The following PIGK variants were observed in gnomAD, a reference collection of about 807,000 sequenced individuals.
The protein encoded by PIGK is phosphatidylinositol glycan anchor biosynthesis class K, also known as GPI-anchor transamidase.
PIGK carries 42 observed loss-of-function variants against 50.6 expected under a neutral mutation model. The observed-to-expected ratio is 0.83, with a 90% CI of 0.65 to 1.07. The LOEUF (loss-of-function observed/expected upper bound fraction) is 1.07, where lower values mean the gene tolerates loss of function less well. PIGK is among the 50% of genes least tolerant of loss of function. PIGK has a pLI of 0.00. For missense variants in PIGK, 448 were observed against 488.7 expected (o/e 0.92, Z 0.78); for synonymous variants, 151 against 156.0 (o/e 0.97, Z 0.24).
At chr1:77,209,513 G>C (rs1320770316) in intron 2 of PIGK, among the ~76,000 whole-genome samples, 3 of 152,060 alleles carry the variant, frequency 2.0e-5, no homozygotes, top group Admixed American at 2.0e-4. Flanking sequence ...TAGCTGACTT[G>C]AATTTAGAAA....
chr1:77,118,247 T>A (rs912848765), intron 10 of PIGK, among the ~76,000 whole-genome samples: 3 of 152,170 alleles, frequency 2.0e-5, no homozygotes, highest in African/African-American at 7.2e-5. Context: ...CTTTTCTTTC[T>A]TTCTTTTTGA....
chr1:77,095,731 G>GC (rs1282403790), intron 10 of PIGK, among the ~76,000 whole-genome samples: 2 of 151,776 alleles, frequency 1.3e-5, no homozygotes, highest in African/African-American at 2.4e-5. Flanking sequence ...TTTTTTAAGT[G>GC]CCCCAAAAAA....
At chr1:77,177,140 C>T (rs930001594) in intron 3 of PIGK, among the ~76,000 whole-genome samples, 2 of 152,150 alleles carry the variant, frequency 1.3e-5, no homozygotes, top group Non-Finnish European at 1.5e-5. Flanking sequence ...AGTGGGCTGA[C>T]GTTATAATGT....
chr1:77,130,613 A>T (rs1330140350), intron 9 of PIGK, among the ~76,000 whole-genome samples: 1 of 152,172 alleles, frequency 6.6e-6, no homozygotes, highest in Non-Finnish European at 1.5e-5. Context: ...CACAACTTTA[A>T]AATAGAAAAT....
chr1:77,181,095 A>G (rs905386905), intron 3 of PIGK, among the ~76,000 whole-genome samples: 1 of 152,158 alleles, frequency 6.6e-6, no homozygotes, highest in Non-Finnish European at 1.5e-5. Context: ...TAAAAGTGAA[A>G]TTTTAAAAAT....
intron 2 of PIGK, among the ~76,000 whole-genome samples, chr1:77,210,125 C>A (rs1022656476): frequency 1.3e-5 from 2 of 151,924 alleles, no homozygotes; most frequent in African/African-American, 4.8e-5. Context: ...CTATAAATAA[C>A]AGATGCAATT....
chr1:77,164,070 T>A lies in PIGK; in HGVS notation c.488-128A>T, dbSNP rs1456598856. Reference sequence around the variant, plus strand: ...ATTTTATACTCTAAAATGTATACTATGAAAACAAACAAATTGAATTTTCTA... The same window carrying A: ...ATTTTATACTCTAAAATGTATACTAAGAAAACAAACAAATTGAATTTTCTA... On this transcript the variant is annotated intron_variant, in intron 5 of 10. Transcript: ENST00000370812. 5.6e-6 allele frequency: 3 copies of A among 535,188 alleles called. No homozygotes were observed. The East Asian group carries it at 9.5e-5, about 17-fold the overall frequency. 33.2% of individuals were successfully genotyped at this position (535,188 alleles called of 1,614,324 possible).
chr1:77,164,148 T>C (rs1437831438), intron 5 of PIGK, among the ~76,000 whole-genome samples: 1 of 152,170 alleles, frequency 6.6e-6, no homozygotes, highest in Non-Finnish European at 1.5e-5. Context: ...AGATATAATA[T>C]CTTTAATAGG....
intron 3 of PIGK, among the ~76,000 whole-genome samples, chr1:77,187,055 C>T (rs1430590504): frequency 6.6e-6 from 1 of 152,204 alleles, no homozygotes; most frequent in Non-Finnish European, 1.5e-5. Flanking sequence ...TGGTATTTCA[C>T]ACATCATCAC....
chr1:77,150,153 CAACTT>C (rs969041827), intron 9 of PIGK, among the ~76,000 whole-genome samples: 38 of 152,034 alleles, frequency 2.5e-4, no homozygotes, highest in Admixed American at 3.9e-4. Context: ...TTCAAATAAA[CAACTT>C]AACTATGCAA....
intron 8 of PIGK, among the ~76,000 whole-genome samples, chr1:77,155,722 T>C (rs564562143): frequency 6.6e-6 from 1 of 151,878 alleles, no homozygotes; most frequent in Non-Finnish European, 1.5e-5. Context: ...ATGAGAGATA[T>C]GAGGAAAAAT....
intron 9 of PIGK, among the ~76,000 whole-genome samples, chr1:77,125,158 T>C (rs1654202148): frequency 6.6e-6 from 1 of 152,250 alleles, no homozygotes; most frequent in African/African-American, 2.4e-5. Flanking sequence ...AGATATTCTT[T>C]AGGTATACAA....
At chr1:77,097,792 T>C (rs1263950200) in intron 10 of PIGK, among the ~76,000 whole-genome samples, 3 of 152,088 alleles carry the variant, frequency 2.0e-5, no homozygotes, top group Non-Finnish European at 1.5e-5. Flanking sequence ...TCGGATTTCA[T>C]ATAAATATTT....
chr1:77,095,890 C>T (rs185486526), intron 10 of PIGK, among the ~76,000 whole-genome samples: 87 of 152,076 alleles, frequency 5.7e-4, no homozygotes, highest in African/African-American at 2.0e-3. Context: ...TGAAAACCAT[C>T]CACACACTCT....
intron 9 of PIGK, among the ~76,000 whole-genome samples, chr1:77,146,977 G>A (rs536576932): frequency 2.8e-4 from 42 of 152,084 alleles, no homozygotes; most frequent in African/African-American, 9.9e-4. Context: ...AAAGAAGGGA[G>A]AGACAGGAAG....
At chr1:77,200,282 G>A (rs908489867) in intron 3 of PIGK, among the ~76,000 whole-genome samples, 3 of 151,964 alleles carry the variant, frequency 2.0e-5, no homozygotes, top group Non-Finnish European at 4.4e-5. Context: ...CATGAATACT[G>A]AAGAAGCATG....
intron 2 of PIGK, among the ~76,000 whole-genome samples, chr1:77,208,033 G>A (rs2100586969): frequency 6.6e-6 from 1 of 152,046 alleles, no homozygotes; most frequent in South Asian, 2.1e-4. Context: ...AACGGCCTAG[G>A]CAACACAATG....
In PIGK at chr1:77,212,014, C is replaced by G. The variant is rs145978074; in HGVS notation, c.94-1525G>C. 1.8e-3 allele frequency among the ~76,000 whole-genome samples: 280 copies of G among 152,106 alleles called. 1 individual carries two copies. The highest frequency in any genetic ancestry group is 6.3e-3 in the African/African-American group (263 of 41,514). On this transcript the variant is annotated intron_variant, in intron 1 of 10. Transcript: ENST00000370812. ...AAATTTCATTCAGTATCCATTCTTA[C>G]TAGGTACTTTATTTGAACTCACCAA...
chr1:77,150,727 G>A (rs1098131), intron 9 of PIGK, among the ~76,000 whole-genome samples: 3,089 of 152,054 alleles, frequency 0.02, 39 homozygotes, highest in African/African-American at 0.042. Context: ...AGTACATGCC[G>A]AAAAAACTGG....
Sources: gnomAD v4.1 joint callset for allele counts (sites outside exome capture counted in the v4.1 genomes callset) on GRCh38, gnomAD v4.1.1 for gene constraint, MANE v1.5 for transcripts, NCBI Gene and HGNC (gene_info 2026-07-23, HGNC 2026-07-21) for gene names.